Variants in ANO1 observed in about 807,000 individuals in gnomAD.
ANO1 encodes anoctamin-1.
A neutral mutation model predicts 124.0 loss-of-function variants in ANO1; 59 were observed. The ratio of observed to expected loss-of-function variants is 0.48; its 90% CI spans 0.39 to 0.59. The LOEUF is 0.59. Among genes scored for constraint, ANO1 ranks in the 20% least tolerant of loss-of-function variants. The pLI is 0.00. For missense variants in ANO1, 1,059 were observed against 1,328.0 expected (o/e 0.80, Z 3.15); for synonymous variants, 529 against 532.0 (o/e 0.99, Z 0.08).
intron 1 of ANO1, among the ~76,000 whole-genome samples, chr11:70,010,179 G>GTGTGTGTATATAGATATATATA: frequency 1.2e-5 from 1 of 83,776 alleles, no homozygotes. Context: ...GTGTGTGTGT[G>GTGTGTGTATATAGATATATATA]TATATATATA....
intron 8 of ANO1, among the ~76,000 whole-genome samples, chr11:70,120,023 GCC>G (rs1786171624): frequency 6.6e-6 from 1 of 152,058 alleles, no homozygotes; most frequent in African/African-American, 2.4e-5. Context: ...ACAGCCTGGT[GCC>G]AAGTTTTTGC....
At chr11:70,082,324 C>G (rs759517335) in intron 1 of ANO1, among the ~76,000 whole-genome samples, 1 of 152,150 alleles carries the variant, frequency 6.6e-6, no homozygotes, top group Non-Finnish European at 1.5e-5. Context: ...CTTGGGAGGC[C>G]GAGGCTGGTG....
rs1213936488 is a variant in ANO1, at chr11:70,084,287, G to A, written c.109-3465G>A. Among the ~76,000 whole-genome samples, 5 of 152,290 alleles carry A rather than the reference G, an allele frequency of 3.3e-5. No homozygotes were observed. In the East Asian group the frequency reaches 9.7e-4, roughly 29 times the overall value. The stretch of plus-strand genomic sequence containing the variant: ...TCTTTTGCCCCCTCAGCCATGGGGA[G>A]AGAAAAGCACCTTTAGTCACCAGCT... On this transcript the variant is annotated intron_variant, in intron 1 of 25. Transcript: ENST00000355303.
intron 2 of ANO1, among the ~76,000 whole-genome samples, chr11:70,098,916 G>A (rs1040886113): frequency 6.6e-6 from 1 of 152,208 alleles, no homozygotes; most frequent in African/African-American, 2.4e-5. Context: ...AATGTCAGAA[G>A]CAATTCCAGG....
chr11:70,030,672 T>G (rs554392696), intron 1 of ANO1, among the ~76,000 whole-genome samples: 18 of 152,266 alleles, frequency 1.2e-4, no homozygotes, highest in Admixed American at 3.3e-4. Flanking sequence ...TGTGGTGACA[T>G]TAGGACCCAC....
the ANO1 span, among the ~76,000 whole-genome samples, chr11:69,980,240 A>C: frequency 0.075 from 11,435 of 152,140 alleles, 761 homozygotes; most frequent in Admixed American, 0.14. Flanking sequence ...AGAGACAGAA[A>C]CTAGAATGGT....
chr11:70,133,474 G>A (rs112966963), intron 11 of ANO1, among the ~76,000 whole-genome samples: 21 of 152,278 alleles, frequency 1.4e-4, no homozygotes, highest in African/African-American at 5.1e-4. Flanking sequence ...GGTAGAGCCG[G>A]GTCTCTGGCC....
upstream of ANO1, among the ~76,000 whole-genome samples, chr11:69,982,187 C>T (rs1479726877): frequency 1.3e-5 from 2 of 152,190 alleles, no homozygotes; most frequent in Non-Finnish European, 2.9e-5. Flanking sequence ...GTGAATGTCA[C>T]CCCAGTGAAT....
chr11:70,082,538 C>T lies in ANO1; in HGVS notation c.108+3824C>T, dbSNP rs79167677. ...TCGCACCACTGCGCTCCAGCCTAGG[C>T]GACAGAGCAAGAATTCGTCTCAAAA... On this transcript the variant is annotated intron_variant, in intron 1 of 25. Transcript: ENST00000355303. Among the ~76,000 whole-genome samples the T allele has an allele frequency of 6.3e-3, 960 of 152,286 alleles. 8 individuals are homozygous for T. The highest frequency in any genetic ancestry group is 0.022 in the African/African-American group (898 of 41,554).
intron 1 of ANO1, among the ~76,000 whole-genome samples, chr11:70,053,339 ATCTGTGTT>A (rs782105066): frequency 3.2e-4 from 49 of 152,212 alleles, no homozygotes; most frequent in Non-Finnish European, 6.0e-4. Context: ...CGTGGCAGAC[ATCTGTGTT>A]TCAATTCCAA....
chr11:70,059,347 T>C (rs1438498811), intron 1 of ANO1, among the ~76,000 whole-genome samples: 2 of 24,922 alleles, frequency 8.0e-5, no homozygotes, highest in African/African-American at 2.1e-4. Context: ...CGAGACACTG[T>C]CAAAAAAAAA....
intron 2 of ANO1, among the ~76,000 whole-genome samples, chr11:70,101,791 C>G (rs2045288536): frequency 6.6e-6 from 1 of 152,104 alleles, no homozygotes; most frequent in Non-Finnish European, 1.5e-5. Context: ...TCCCGTCTGC[C>G]TTTTTGCCAA....
upstream of ANO1, among the ~76,000 whole-genome samples, chr11:70,077,408 C>T (rs894074224): frequency 5.9e-5 from 9 of 152,190 alleles, no homozygotes; most frequent in African/African-American, 2.2e-4. Flanking sequence ...GGCAGAGGGA[C>T]ACTTTATTTC....
chr11:70,120,130 A>T (rs1348541155), intron 8 of ANO1, among the ~76,000 whole-genome samples: 1 of 152,152 alleles, frequency 6.6e-6, no homozygotes, highest in African/African-American at 2.4e-5. Context: ...CAGGGCAGAA[A>T]TGAAAGTGCA....
chr11:70,098,538 CA>C (rs981586429), intron 2 of ANO1, among the ~76,000 whole-genome samples: 1 of 152,206 alleles, frequency 6.6e-6, no homozygotes, highest in African/African-American at 2.4e-5. Flanking sequence ...GATTGAGGGC[CA>C]GACATCCATA....
chr11:70,173,901 A>T (rs1354424601), intron 22 of ANO1, among the ~76,000 whole-genome samples: 1 of 151,626 alleles, frequency 6.6e-6, no homozygotes, highest in South Asian at 2.1e-4. Context: ...AAATACAAAA[A>T]TTAGCTGGGC....
At chr11:69,966,031 T>C in the ANO1 span, among the ~76,000 whole-genome samples, 81,559 of 151,860 alleles carry the variant, frequency 0.54, 24,332 homozygotes, top group South Asian at 0.75. Flanking sequence ...GATGGAGATA[T>C]ACAGCTCCTC....
chr11:70,019,083 A>T (rs1481134382), intron 1 of ANO1, among the ~76,000 whole-genome samples: 2 of 152,170 alleles, frequency 1.3e-5, no homozygotes. Context: ...TTCTTGGAGG[A>T]GGTGCCCCAT....
In ANO1 at chr11:70,098,283, G is replaced by A. The variant is rs147285916; in HGVS notation, c.442-4783G>A. On this transcript the variant is annotated intron_variant, in intron 2 of 25. Transcript: ENST00000355303. Reference sequence around the variant, plus strand: ...TTGTCCAGGTGTTCTGTGGGTGCTCGAGGGCCTTCGGGCCCAAACCCCACC... The same window carrying A: ...TTGTCCAGGTGTTCTGTGGGTGCTCAAGGGCCTTCGGGCCCAAACCCCACC... 4.2e-4 allele frequency among the ~76,000 whole-genome samples: 64 copies of A among 152,334 alleles called. 1 individual carries two copies. Among genetic ancestry groups the A allele is most frequent in the African/African-American group, 1.5e-3 (61 of 41,578 alleles).
Sources: gnomAD v4.1 joint callset for allele counts (sites outside exome capture counted in the v4.1 genomes callset) on GRCh38, gnomAD v4.1.1 for gene constraint, MANE v1.5 for transcripts, NCBI Gene and HGNC (gene_info 2026-07-23, HGNC 2026-07-21) for gene names.